Variants in ANKRD6 observed in about 807,000 individuals in gnomAD.
ANKRD6 encodes ankyrin repeat domain 6.
In ANKRD6, 56 loss-of-function variants were observed where a neutral mutation model predicts 82.3. The ratio of observed to expected loss-of-function variants is 0.68; its 90% CI spans 0.55 to 0.85. The LOEUF is 0.85. Among genes scored for constraint, ANKRD6 ranks in the 40% least tolerant of loss-of-function variants. The probability of loss-of-function intolerance (pLI) is 0.00; values close to 1 mark genes in which losing one functional copy is unlikely to be tolerated. For synonymous variants in ANKRD6, 347 were observed against 352.1 expected (o/e 0.99, Z 0.16); for missense variants, 852 against 907.6 (o/e 0.94, Z 0.79).
chr6:89,444,758 A>G (rs1356839117), intron 1 of ANKRD6, among the ~76,000 whole-genome samples: 2 of 152,192 alleles, frequency 1.3e-5, no homozygotes, highest in African/African-American at 2.4e-5. Context: ...ACCTGAGATC[A>G]GGAGTTTGAG....
intron 2 of ANKRD6, among the ~76,000 whole-genome samples, chr6:89,593,958 C>G (rs571281555): frequency 6.6e-6 from 1 of 152,292 alleles, no homozygotes; most frequent in Admixed American, 6.5e-5. Context: ...TTCTCTATGA[C>G]CCAGCAACAG....
intron 1 of ANKRD6, among the ~76,000 whole-genome samples, chr6:89,512,170 C>T (rs1780629423): frequency 6.6e-6 from 1 of 152,114 alleles, no homozygotes; most frequent in African/African-American, 2.4e-5. Flanking sequence ...ATATGATAAG[C>T]CTGTATGGGC....
In ANKRD6 at chr6:89,590,999, G is replaced by A. The variant is rs188332630; in HGVS notation, c.121-4917G>A. Among the ~76,000 whole-genome samples the A allele has an allele frequency of 1.1e-4, 16 of 152,266 alleles. 1 individual carries two copies. The South Asian group carries it at 1.2e-3, about 12-fold the overall frequency. On this transcript the variant is annotated intron_variant, in intron 2 of 15. Transcript: ENST00000339746. ...CTTGCTCTGCCCAATTATTGGTCTC[G>A]CTGGGCTCACCAGGGCCTAGGTTGA...
At chr6:89,494,767 A>G (rs780490246) in intron 1 of ANKRD6, among the ~76,000 whole-genome samples, 7 of 152,194 alleles carry the variant, frequency 4.6e-5, no homozygotes, top group Non-Finnish European at 1.0e-4. Flanking sequence ...AGTGGCGCCT[A>G]CTTCTGCCTG....
At chr6:89,555,513 G>C (rs1003942369) in intron 1 of ANKRD6, among the ~76,000 whole-genome samples, 3 of 152,106 alleles carry the variant, frequency 2.0e-5, no homozygotes, top group Non-Finnish European at 4.4e-5. Flanking sequence ...TGAGCTCAGG[G>C]CAGGGTGATT....
At chr6:89,533,727 AGTGTGTGTGTGT>A (rs59064465) in intron 1 of ANKRD6, among the ~76,000 whole-genome samples, 36 of 142,116 alleles carry the variant, frequency 2.5e-4, no homozygotes, top group East Asian at 4.3e-4. Flanking sequence ...AGAGAAAATG[AGTGTGTGTGTGT>A]GTGTGTGTGT....
intron 2 of ANKRD6, among the ~76,000 whole-genome samples, chr6:89,582,297 C>T (rs542028023): frequency 6.6e-6 from 1 of 152,068 alleles, no homozygotes; most frequent in South Asian, 2.1e-4. Context: ...TCAAGAGATC[C>T]TCCCACCTTA....
intron 1 of ANKRD6, among the ~76,000 whole-genome samples, chr6:89,555,032 T>TC (rs1239784074): frequency 4.3e-5 from 2 of 46,366 alleles, no homozygotes; most frequent in South Asian, 1.1e-3. Flanking sequence ...CTCTCCTCCC[T>TC]CCCCGCTTTC....
chr6:89,612,187 G>GT (rs1222916331), intron 5 of ANKRD6, 85 bp from the exon 6 acceptor site: 4 of 1,252,614 alleles, frequency 3.2e-6, no homozygotes, highest in African/African-American at 3.0e-5. Context: ...TTTCCCCCGA[G>GT]TAAGTACTGC....
At chr6:89,471,871 A>G (rs754631813) in intron 1 of ANKRD6, among the ~76,000 whole-genome samples, 14 of 139,986 alleles carry the variant, frequency 1.0e-4, no homozygotes, top group Non-Finnish European at 2.0e-4. Flanking sequence ...CCCAGGAGGC[A>G]GAGTTTGCAG....
At chr6:89,532,753 G>A (rs1783329426) in intron 1 of ANKRD6, among the ~76,000 whole-genome samples, 1 of 151,928 alleles carries the variant, frequency 6.6e-6, no homozygotes, top group African/African-American at 2.4e-5. Flanking sequence ...CGAAGTTGGA[G>A]TGCAATGGCA....
intron 1 of ANKRD6, among the ~76,000 whole-genome samples, chr6:89,513,009 T>G (rs1348417595): frequency 6.6e-6 from 1 of 152,076 alleles, no homozygotes; most frequent in Non-Finnish European, 1.5e-5. Context: ...ACTGCAGCCT[T>G]GAATTCCTGG....
chr6:89,549,194 A>G (rs1430282849), intron 1 of ANKRD6, among the ~76,000 whole-genome samples: 2 of 152,146 alleles, frequency 1.3e-5, no homozygotes, highest in African/African-American at 4.8e-5. Context: ...TGGGTAACAG[A>G]GTGAGACTCT....
rs1237480838 is a variant in ANKRD6 at position 89,633,327 on chromosome 6, ATC to A, written c.*2325_*2326del. ...TTTCATCTTCAGCAAATGTTGTTTC[ATC>A]TGTTTTTGATCCTTGGCATTGTCAA... On this transcript the variant is annotated 3_prime_UTR_variant, in exon 16 of 16. Transcript: ENST00000339746. The A allele has an allele frequency of 6.6e-6, 1 of 152,250 alleles. No individual in the cohort carries two copies. The highest frequency in any genetic ancestry group is 1.5e-5 in the Non-Finnish European group (1 of 68,044). 9.4% of individuals were successfully genotyped at this position (152,250 alleles called of 1,614,324 possible).
At chr6:89,499,635 C>T (rs370554659) in intron 1 of ANKRD6, among the ~76,000 whole-genome samples, 2 of 152,036 alleles carry the variant, frequency 1.3e-5, no homozygotes, top group African/African-American at 2.4e-5. Flanking sequence ...GAGACAGTGC[C>T]GTACCACAAA....
intron 1 of ANKRD6, among the ~76,000 whole-genome samples, chr6:89,480,878 G>C (rs920057450): frequency 7.0e-6 from 1 of 143,798 alleles, no homozygotes; most frequent in Non-Finnish European, 1.5e-5. Flanking sequence ...GGAGGTTGAG[G>C]CTACAGTGAG....
intron 1 of ANKRD6, among the ~76,000 whole-genome samples, chr6:89,512,473 G>C (rs1236936557): frequency 6.6e-6 from 1 of 152,232 alleles, no homozygotes. Flanking sequence ...ATGAGTGTCT[G>C]TTTCTAAGTT....
At chr6:89,628,777 C>CA in intron 14 of ANKRD6, 2 of 247,002 alleles carry the variant, frequency 8.1e-6, no homozygotes, top group South Asian at 9.5e-5. Context: ...TCTCAAAAAA[C>CA]AAACAAACAA....
chr6:89,446,767 C>T (rs746675703), intron 1 of ANKRD6, among the ~76,000 whole-genome samples: 6 of 152,136 alleles, frequency 3.9e-5, no homozygotes, highest in Non-Finnish European at 5.9e-5. Flanking sequence ...CCCCATGTGT[C>T]GTGGGAGGGA....
Sources: gnomAD v4.1 joint callset for allele counts (sites outside exome capture counted in the v4.1 genomes callset) on GRCh38, gnomAD v4.1.1 for gene constraint, MANE v1.5 for transcripts, NCBI Gene and HGNC (gene_info 2026-07-23, HGNC 2026-07-21) for gene names.